Variants in UBIAD1 observed in about 807,000 individuals in gnomAD.
The protein encoded by UBIAD1 is ubiA prenyltransferase domain-containing protein 1.
Under a neutral mutation model 20.1 loss-of-function variants are expected in UBIAD1, and 12 were observed. The observed-to-expected ratio is 0.60, with a 90% confidence interval of 0.38 to 0.97. The LOEUF (loss-of-function observed/expected upper bound fraction) is 0.97, where lower values mean the gene tolerates loss of function less well. Ranked by LOEUF, UBIAD1 falls within the 50% of genes least tolerant of loss-of-function variation. The pLI is 0.00. For synonymous variants in UBIAD1, 207 were observed against 189.2 expected (o/e 1.09, Z -0.77); for missense variants, 333 against 419.5 (o/e 0.79, Z 1.80).
downstream of UBIAD1, chr1:11,296,186 A>T (rs946632111): frequency 3.9e-5 from 6 of 152,198 alleles, no homozygotes; most frequent in East Asian, 1.2e-3. Flanking sequence ...ATGAGACCTT[A>T]TCCCTGTCCT....
chr1:11,292,781 G>A (rs558278710), downstream of UBIAD1, among the ~76,000 whole-genome samples: 69 of 151,828 alleles, frequency 4.5e-4, no homozygotes, highest in African/African-American at 1.6e-3. Context: ...TGAGCCCTGC[G>A]GACCACTCTG....
downstream of UBIAD1, among the ~76,000 whole-genome samples, chr1:11,298,748 G>A (rs559713812): frequency 3.9e-5 from 6 of 152,260 alleles, no homozygotes; most frequent in East Asian, 9.7e-4. This position sits in a 1 kb window ranked among gnomAD's most constrained non-coding sequence, Gnocchi z 4.0. Flanking sequence ...TGCAGTGAGC[G>A]ACACCTGGTA....
rs561751062 is a variant in UBIAD1, at chr1:11,278,566, G to T, written c.529+4506G>T. ...TGATATTTAATCAAGACATTAACACGAGTAGAAGGTTGTTGATATAAGACA... is the reference window on the plus strand; with the variant it reads ...TGATATTTAATCAAGACATTAACACTAGTAGAAGGTTGTTGATATAAGACA... On this transcript the variant is annotated intron_variant, in intron 1 of 1. Transcript: ENST00000376810. 5.3e-5 allele frequency: 61 copies of T among 1,147,688 alleles called. No individual in the cohort carries two copies. In the East Asian group the frequency reaches 1.6e-3, roughly 31 times the overall value. The allele number at this position is 1,147,688 out of a possible 1,614,324, so 71.1% of individuals were successfully genotyped here.
At chr1:11,289,856 G>A (rs1638335867), downstream of UBIAD1, among the ~76,000 whole-genome samples, 1 of 151,948 alleles carries the variant, frequency 6.6e-6, no homozygotes, top group Admixed American at 6.6e-5. Flanking sequence ...TTAGCCTCCT[G>A]AGTAGCTGGC....
intron 1 of UBIAD1, among the ~76,000 whole-genome samples, chr1:11,277,098 A>G (rs1025154339): frequency 2.0e-5 from 3 of 151,722 alleles, no homozygotes; most frequent in Non-Finnish European, 4.4e-5. Flanking sequence ...TAAGCTGGGC[A>G]TGGTGGTGCA....
downstream of UBIAD1, among the ~76,000 whole-genome samples, chr1:11,290,672 C>T (rs948609788): frequency 3.3e-5 from 5 of 152,148 alleles, no homozygotes; most frequent in South Asian, 2.1e-4. Context: ...CTAACGCTTC[C>T]GTTACTCCTG....
At chr1:11,274,225 G>C (rs1478685564) in intron 1 of UBIAD1, among the ~76,000 whole-genome samples, 165 bp downstream of exon 1, 1 of 152,224 alleles carries the variant, frequency 6.6e-6, no homozygotes, top group African/African-American at 2.4e-5. Context: ...ACAGTGATTT[G>C]AGAAGATCCT....
chr1:11,295,229 A>G, downstream of UBIAD1: 2 of 352,950 alleles, frequency 5.7e-6, no homozygotes, highest in African/African-American at 2.1e-5. Flanking sequence ...ATGAGCGGCG[A>G]TCAAGGTTTC....
intron 1 of UBIAD1, among the ~76,000 whole-genome samples, chr1:11,276,703 T>C (rs1652042669): frequency 6.6e-6 from 1 of 151,462 alleles, no homozygotes; most frequent in Admixed American, 6.6e-5. Flanking sequence ...TTCAAAATTA[T>C]ATCTCCATAT....
Position 11,273,405 on chromosome 1 carries a change from C to A in UBIAD1, c.-127C>A. 2 of 1,243,268 alleles carry A rather than the reference C, an allele frequency of 1.6e-6. No individual in the cohort carries two copies. Among genetic ancestry groups the A allele is most frequent in the East Asian group, 2.4e-5 (1 of 40,936 alleles). The allele number at this position is 1,243,268 out of a possible 1,614,324, so 77.0% of individuals were successfully genotyped here. A position where few individuals can be genotyped will look rare whatever the true frequency, so the allele number is the denominator to read the frequency against. ...TTGCCCCCGGACCTTGCCGCCACAC[C>A]AGCCCTGTCCTGGGGCGGAACCGAA... On this transcript the variant is annotated 5_prime_UTR_variant, in exon 1 of 2. Transcript: ENST00000376810. This position sits in a 1 kb window ranked among gnomAD's most constrained non-coding sequence, Gnocchi z 4.9.
intron 1 of UBIAD1, among the ~76,000 whole-genome samples, chr1:11,281,612 G>A (rs1369806341): frequency 6.6e-6 from 1 of 152,128 alleles, no homozygotes; most frequent in Non-Finnish European, 1.5e-5. Flanking sequence ...TAGTGTTGCA[G>A]CTTGATGAAT....
chr1:11,295,147 A>C, exon 2 of UBIAD1: 1 of 540,180 alleles, frequency 1.9e-6, no homozygotes, highest in Non-Finnish European at 3.3e-6. Context: ...CATAGAATAA[A>C]CAACGACCAC....
downstream of UBIAD1, among the ~76,000 whole-genome samples, chr1:11,289,132 G>A (rs2101025873): frequency 6.6e-6 from 1 of 152,350 alleles, no homozygotes; most frequent in South Asian, 2.1e-4. Context: ...AGAGACGTGG[G>A]ATGGATAACA....
chr1:11,279,161 G>A (rs1259549389), intron 1 of UBIAD1: 1 of 224,872 alleles, frequency 4.4e-6, no homozygotes, highest in Admixed American at 4.1e-5. Context: ...GCCATGCCCG[G>A]CCTATATTCT....
chr1:11,277,026 C>G (rs897140567), intron 1 of UBIAD1, among the ~76,000 whole-genome samples: 3 of 151,986 alleles, frequency 2.0e-5, no homozygotes, highest in Non-Finnish European at 4.4e-5. Flanking sequence ...CACCTGAGTT[C>G]AGGAGTTCGA....
At chr1:11,294,195 AAG>A (rs1437014437) in intron 1 of UBIAD1, among the ~76,000 whole-genome samples, 1 of 152,156 alleles carries the variant, frequency 6.6e-6, no homozygotes, top group African/African-American at 2.4e-5. Context: ...TCTTTTTCAT[AAG>A]AGAGGAAACT....
At chr1:11,288,631 G>A (rs997531433), downstream of UBIAD1, among the ~76,000 whole-genome samples, 7 of 152,296 alleles carry the variant, frequency 4.6e-5, no homozygotes, top group African/African-American at 1.4e-4. Context: ...GCAGGGACTG[G>A]GCATGGTGGC....
rs1035391733 is a variant in UBIAD1 at position 11,285,495 on chromosome 1, T to G, written c.530-149T>G. The stretch of plus-strand genomic sequence containing the variant: ...TTGGAGAAGAAATCAGAATTTGCTC[T>G]GTGGGGTTAAGGGATGAAATGAGTG... On this transcript the variant is annotated intron_variant, in intron 1 of 1. Transcript: ENST00000376810. The surrounding 1 kb of genome is among the most constrained non-coding windows in gnomAD (Gnocchi z 4.4). 9.0e-6 allele frequency: 11 copies of G among 1,217,076 alleles called. No homozygotes were observed. In the African/African-American group the frequency reaches 1.6e-4, roughly 18 times the overall value. 75.4% of individuals were successfully genotyped at this position (1,217,076 alleles called of 1,614,324 possible). A position where few individuals can be genotyped will look rare whatever the true frequency, so the allele number is the denominator to read the frequency against.
Position 11,273,571 on chromosome 1 carries a change from C to G in UBIAD1, c.40C>G (p.Leu14Val). Residue 14 changes from leucine to valine, a missense_variant, in exon 1 of 2, where the codon CTG becomes GTG. Leu to Val is a conservative substitution (Grantham distance 32). Transcript: ENST00000376810. This position sits in a 1 kb window ranked among gnomAD's most constrained non-coding sequence, Gnocchi z 4.9. ...GGTCCTGGGGGAGAAGATTAACATC[C>G]TGTCGGGAGAGACTGTCAAAGCTGG... ...SQVLGEKINI[L>V]SGETVKAGDR... 1 of 1,613,456 alleles carries G rather than the reference C, an allele frequency of 6.2e-7. No homozygotes were observed. Among genetic ancestry groups the G allele is most frequent in the Non-Finnish European group, 8.5e-7 (1 of 1,180,044 alleles).
Sources: allele counts gnomAD v4.1 joint callset (sites outside exome capture counted in the v4.1 genomes callset), GRCh38; gene constraint gnomAD v4.1.1; non-coding constraint Gnocchi (gnomAD v3.1); transcripts MANE v1.5; gene names NCBI Gene and HGNC (gene_info 2026-07-23, HGNC 2026-07-21).